DENND4C: variants seen among roughly 807,000 people sequenced by gnomAD.
DENND4C encodes DENN domain containing 4C.
Under a neutral mutation model 203.0 loss-of-function variants are expected in DENND4C, and 108 were observed. That is an observed-to-expected ratio of 0.53 (90% CI 0.46 to 0.62). DENND4C has a LOEUF of 0.62. Among genes scored for constraint, DENND4C ranks in the 20% least tolerant of loss-of-function variants. The pLI is 0.00. For synonymous variants in DENND4C, 871 were observed against 792.4 expected (o/e 1.10, Z -1.67); for missense variants, 2,481 against 2,301.2 (o/e 1.08, Z -1.60).
intron 1 of DENND4C, among the ~76,000 whole-genome samples, chr9:19,260,376 T>TGTTATGTTAC (rs1211317876): frequency 1.6e-5 from 2 of 128,264 alleles, no homozygotes; most frequent in African/African-American, 6.4e-5. Context: ...GTTCTGGTTA[T>TGTTATGTTAC]GTTATGTTAT....
chr9:19,355,479 C>T lies in DENND4C; in HGVS notation c.4782-1493C>T, dbSNP rs1052761274. Among the ~76,000 whole-genome samples, 4 of 152,116 alleles carry T rather than the reference C, an allele frequency of 2.6e-5. No homozygotes were observed. In the East Asian group the frequency reaches 5.8e-4, roughly 22 times the overall value. On this transcript the variant is annotated intron_variant, in intron 26 of 32. Transcript: ENST00000434457. ...ACTTTTTATATATGATGGTAGAGAT[C>T]CAGCTTTCATTTTTCCTCCATGTAA...
intron 3 of DENND4C, 92 bp from the exon 4 acceptor site, chr9:19,288,501 TCTG>T: frequency 1.4e-6 from 1 of 707,542 alleles, no homozygotes; most frequent in Non-Finnish European, 2.0e-6. Flanking sequence ...AATAGACTCT[TCTG>T]AGTAAATAAA....
At position 19,230,741 on chromosome 9, in the gene DENND4C, C is replaced by T. The variant is rs10481512; in HGVS notation, c.-110C>T. The stretch of plus-strand genomic sequence containing the variant: ...CCGCTGGAGCTAGTCCCCCGCCCTG[C>T]CCTGCCGAGCGCGCCCAGTCCGCGA... On this transcript the variant is annotated 5_prime_UTR_variant, in exon 1 of 33. Coordinates refer to ENST00000434457, the MANE Select transcript of DENND4C (RefSeq NM_001330640.2). 76,689 of 152,202 alleles carry T rather than the reference C, an allele frequency of 0.5. 20,163 individuals carry two copies. The highest frequency in any genetic ancestry group is 0.62 in the South Asian group (2,975 of 4,834). The allele number at this position is 152,202 out of a possible 1,614,324, so 9.4% of individuals were successfully genotyped here.
At chr9:19,231,058 G>T (rs915376246) in intron 1 of DENND4C, among the ~76,000 whole-genome samples, 6 of 152,242 alleles carry the variant, frequency 3.9e-5, no homozygotes, top group Non-Finnish European at 7.3e-5. Context: ...GGATCCTGCG[G>T]GATGCAGTCG....
At chr9:19,319,348 A>AGT (rs10682156) in intron 12 of DENND4C, among the ~76,000 whole-genome samples, 1 of 48,256 alleles carries the variant, frequency 2.1e-5, no homozygotes, top group East Asian at 1.0e-3. Flanking sequence ...ACATATATAT[A>AGT]TACTTATATA....
intron 1 of DENND4C, among the ~76,000 whole-genome samples, chr9:19,275,690 C>A (rs530158928): frequency 1.3e-5 from 2 of 151,904 alleles, no homozygotes; most frequent in Non-Finnish European, 2.9e-5. Context: ...AGGCTGTTCT[C>A]GAGCTCCTGA....
intron 10 of DENND4C, among the ~76,000 whole-genome samples, chr9:19,315,850 C>T (rs1841748902): frequency 6.6e-6 from 1 of 151,926 alleles, no homozygotes; most frequent in Admixed American, 6.6e-5. Flanking sequence ...GGACTACAGG[C>T]ACACACCACC....
intron 1 of DENND4C, among the ~76,000 whole-genome samples, chr9:19,245,342 C>T (rs1015138928): frequency 4.0e-5 from 6 of 151,884 alleles, no homozygotes; most frequent in Admixed American, 1.3e-4. Context: ...TGGGAGGCAC[C>T]TGTAGTCCCA....
chr9:19,305,618 T>C, intron 10 of DENND4C, 91 bp downstream of exon 10: 1 of 1,304,860 alleles, frequency 7.7e-7, no homozygotes, highest in Non-Finnish European at 1.0e-6. Flanking sequence ...TATGCTATTT[T>C]TGGTAGTTGT....
At position 19,325,944 on chromosome 9, in the gene DENND4C, T is replaced by C. The variant is rs1242635176; in HGVS notation, c.1959T>C (p.Phe653=). 2 of 1,605,776 alleles carry C rather than the reference T, an allele frequency of 1.2e-6. No homozygotes were observed. The highest frequency in any genetic ancestry group is 2.7e-5 in the African/African-American group (2 of 74,274). The change falls in exon 14 of 33, where the codon TTT becomes TTC. Residue 653 remains phenylalanine (F), a synonymous_variant. Transcript: ENST00000434457. The part of the protein sequence containing the change: ...AFFDDCIEKL[F]PDKGTEKTDK... ...TCTGTTTTCTTTTTTTCTAGTTGTT[T>C]CCTGATAAAGGCACAGAGAAAACAG... is the stretch of plus-strand genomic sequence containing the variant.
chr9:19,273,366 G>A (rs1832173220), intron 1 of DENND4C, among the ~76,000 whole-genome samples: 1 of 151,968 alleles, frequency 6.6e-6, no homozygotes, highest in Admixed American at 6.6e-5. Flanking sequence ...AATTATAGGT[G>A]TAAGCCACCA....
intron 1 of DENND4C, among the ~76,000 whole-genome samples, chr9:19,271,885 A>T (rs1285460779): frequency 2.0e-4 from 31 of 151,690 alleles, no homozygotes; most frequent in African/African-American, 6.8e-4. Context: ...AAAAAAAAAA[A>T]AGAGAAAAGA....
intron 2 of DENND4C, 145 bp from the exon 3 acceptor site, chr9:19,286,624 G>A (rs1326657640): frequency 4.7e-6 from 3 of 633,704 alleles, no homozygotes; most frequent in African/African-American, 3.8e-5. Context: ...GAAGATTTGG[G>A]AAACAATAGG....
chr9:19,319,349 T>C lies in DENND4C; in HGVS notation c.1807+2510T>C, dbSNP rs202029435. Among the ~76,000 whole-genome samples, 141 of 51,878 alleles carry C rather than the reference T, an allele frequency of 2.7e-3. 4 individuals carry two copies. Among genetic ancestry groups the C allele is most frequent in the African/African-American group, 7.1e-3 (132 of 18,546 alleles). The allele number at this position is 51,878 out of a possible 152,430, so 34.0% of individuals were successfully genotyped here. Reference sequence around the variant, plus strand: ...ATACATATATATACACATATATATATACTTATATATACACACATATATATA... The same window carrying C: ...ATACATATATATACACATATATATACACTTATATATACACACATATATATA... On this transcript the variant is annotated intron_variant, in intron 12 of 32. Coordinates refer to ENST00000434457, the MANE Select transcript of DENND4C (RefSeq NM_001330640.2).
intron 26 of DENND4C, among the ~76,000 whole-genome samples, chr9:19,356,244 A>G (rs1037901128): frequency 6.6e-6 from 1 of 152,238 alleles, no homozygotes; most frequent in Non-Finnish European, 1.5e-5. Flanking sequence ...TTCTCCCCCA[A>G]AGACTTTGAT....
rs1361133781 is a variant in DENND4C, at chr9:19,372,212, G to A, written c.*39G>A. ...AGAATGTTGACACACAAGGCTTGGG[G>A]ATTAGATTTCATCTGGAAACATTCA... On this transcript the variant is annotated 3_prime_UTR_variant, in exon 33 of 33. Coordinates refer to ENST00000434457, the MANE Select transcript of DENND4C (RefSeq NM_001330640.2). 4.4e-6 allele frequency: 7 copies of A among 1,574,656 alleles called. No individual in the cohort carries two copies. The highest frequency in any genetic ancestry group is 2.4e-5 in the South Asian group (2 of 84,978).
intron 5 of DENND4C, among the ~76,000 whole-genome samples, chr9:19,292,939 T>C (rs772368839): frequency 6.6e-6 from 1 of 152,228 alleles, no homozygotes; most frequent in African/African-American, 2.4e-5. Flanking sequence ...AAAATACATC[T>C]GTGACCTCAT....
At chr9:19,317,956 T>C (rs897530989) in intron 12 of DENND4C, among the ~76,000 whole-genome samples, 1 of 152,216 alleles carries the variant, frequency 6.6e-6, no homozygotes, top group Non-Finnish European at 1.5e-5. Context: ...TGGAAGTCCA[T>C]AGGCATTAAG....
Position 19,372,167 on chromosome 9 carries a change from C to T in DENND4C, c.5871C>T (p.Leu1957=), listed in dbSNP as rs762338203. The change falls in exon 33 of 33, where the codon CTC becomes CTT. Residue 1957 remains leucine (L), a synonymous_variant. Transcript: ENST00000434457. ...EWCRKCFGAP[L]I is the part of the protein sequence containing the mutation. ...GCAGGAAGTGTTTTGGAGCGCCTCT[C>T]ATTTAAATAGAGATTCACTAGAATG... 3 of 1,609,448 alleles carry T rather than the reference C, an allele frequency of 1.9e-6. No homozygotes were observed. The Admixed American group carries it at 5.1e-5, about 27-fold the overall frequency.
Sources: gnomAD v4.1 joint callset for allele counts (sites outside exome capture counted in the v4.1 genomes callset) on GRCh38, gnomAD v4.1.1 for gene constraint, MANE v1.5 for transcripts, NCBI Gene and HGNC (gene_info 2026-07-23, HGNC 2026-07-21) for gene names.